Variants in TRPM3 observed in about 807,000 individuals in gnomAD.
The protein encoded by TRPM3 is long transient receptor potential channel 3.
Under a neutral mutation model 181.2 loss-of-function variants are expected in TRPM3, and 77 were observed. The observed-to-expected ratio is 0.42, with a 90% CI of 0.35 to 0.51. The LOEUF is 0.51. Ranked by LOEUF, TRPM3 falls within the 20% of genes least tolerant of loss-of-function variation. The probability of loss-of-function intolerance (pLI) is 0.01; values close to 1 mark genes in which losing one functional copy is unlikely to be tolerated. For synonymous variants in TRPM3, 745 were observed against 796.4 expected, an observed-to-expected ratio of 0.94 and a Z score of 1.09; for missense variants, 1,759 against 2,196.7, an observed-to-expected ratio of 0.80 and a Z score of 3.98.
chr9:71,204,134 T>C (rs539980600), intron 1 of TRPM3, among the ~76,000 whole-genome samples: 2 of 151,092 alleles, frequency 1.3e-5, no homozygotes, highest in Admixed American at 1.3e-4. Context: ...GGCAATACCA[T>C]TCAGGACATA....
At chr9:70,911,587 C>G (rs1442904383) in intron 1 of TRPM3, among the ~76,000 whole-genome samples, 1 of 152,118 alleles carries the variant, frequency 6.6e-6, no homozygotes, top group African/African-American at 2.4e-5. Context: ...CTAAAACCTG[C>G]CTCATGTATA....
At chr9:71,193,851 G>A (rs2078179354) in intron 1 of TRPM3, among the ~76,000 whole-genome samples, 1 of 151,814 alleles carries the variant, frequency 6.6e-6, no homozygotes, top group Non-Finnish European at 1.5e-5. Context: ...CCTGTAACTG[G>A]AGTTCAATTC....
intron 1 of TRPM3, among the ~76,000 whole-genome samples, chr9:71,089,119 G>GATATATATTT (rs2065763500): frequency 6.9e-6 from 1 of 145,920 alleles, no homozygotes; most frequent in African/African-American, 2.5e-5. Context: ...GATATATATT[G>GATATATATTT]TATATATCAT....
At chr9:70,581,792 C>T (rs755806184) in intron 22 of TRPM3, among the ~76,000 whole-genome samples, 15 of 152,072 alleles carry the variant, frequency 9.9e-5, no homozygotes, top group Non-Finnish European at 1.8e-4. Context: ...TCTGCATGGG[C>T]CTCAACTGGT....
chr9:70,652,800 G>A (rs938957818), intron 9 of TRPM3, among the ~76,000 whole-genome samples: 5 of 152,176 alleles, frequency 3.3e-5, no homozygotes, highest in African/African-American at 1.2e-4. Flanking sequence ...GATGATTATT[G>A]GGGTTAGGAG....
intron 1 of TRPM3, among the ~76,000 whole-genome samples, chr9:71,264,630 T>C (rs1029226959): frequency 2.0e-5 from 3 of 152,174 alleles, no homozygotes; most frequent in African/African-American, 7.2e-5. Context: ...AACAAACTCT[T>C]GTAAAATGGG....
At chr9:71,301,711 G>C (rs1265311797) in intron 1 of TRPM3, among the ~76,000 whole-genome samples, 1 of 152,098 alleles carries the variant, frequency 6.6e-6, no homozygotes, top group Admixed American at 6.6e-5. Context: ...GTGCCAGGGA[G>C]AAACCTAGTT....
Position 70,655,507 on chromosome 9 carries a change from C to T in TRPM3, c.1346-14847G>A, listed in dbSNP as rs146317517. On this transcript the variant is annotated intron_variant, in intron 9 of 25. Transcript: ENST00000677713. ...TAAGGTAAAAACCACTGTTTGGCTC[C>T]AACAGGTTTTTTGTTTGCAAGCCAG... Among the ~76,000 whole-genome samples, 311 of 151,990 alleles carry T rather than the reference C, an allele frequency of 2.0e-3. 1 individual carries two copies. The highest frequency in any genetic ancestry group is 7.1e-3 in the African/African-American group (296 of 41,432).
rs995375550 is a variant in TRPM3, at chr9:70,862,045, G to A, written c.462+863C>T. On this transcript the variant is annotated intron_variant, in intron 3 of 25. Coordinates refer to ENST00000677713, the MANE Select transcript of TRPM3 (RefSeq NM_001366145.2). ...CAGTTTTAGACTGCCATTCATGTGA[G>A]GTGACTTCCCTTGTGGTCTGTAGTA... Among the ~76,000 whole-genome samples the A allele has an allele frequency of 3.3e-5, 5 of 151,918 alleles. No homozygotes were observed. The South Asian group carries it at 1.0e-3, about 32-fold the overall frequency.
At chr9:71,399,521 C>CTTTTTTTTTTTTTTTTTTTTTT (rs1415739241) in intron 1 of TRPM3, among the ~76,000 whole-genome samples, 2 of 107,520 alleles carry the variant, frequency 1.9e-5, no homozygotes, top group Non-Finnish European at 4.0e-5. Flanking sequence ...CTTATATTTT[C>CTTTTTTTTTTTTTTTTTTTTTT]TTTTGTTTTT....
chr9:70,841,600 T>C (rs902695773), intron 5 of TRPM3, among the ~76,000 whole-genome samples: 2 of 128,616 alleles, frequency 1.6e-5, no homozygotes, highest in Admixed American at 7.9e-5. Flanking sequence ...CAATGGAGGA[T>C]TGGATATATA....
chr9:70,752,049 T>TGTGTGTGTGTGTGC (rs1273744922), intron 8 of TRPM3, among the ~76,000 whole-genome samples: 2 of 116,348 alleles, frequency 1.7e-5, no homozygotes, highest in East Asian at 3.0e-4. Flanking sequence ...TGTGTGTGTG[T>TGTGTGTGTGTGTGC]GCGCGCGCGC....
At chr9:70,948,197 C>T (rs1392591730) in intron 1 of TRPM3, among the ~76,000 whole-genome samples, 10 of 151,380 alleles carry the variant, frequency 6.6e-5, no homozygotes, top group Admixed American at 6.6e-4. Context: ...AATAATATAT[C>T]ATCTTGGCTT....
In TRPM3 at chr9:70,625,619, AC is replaced by A; in HGVS notation, c.1633-103del. 8.4e-7 allele frequency: 1 copy of A among 1,191,444 alleles called. No homozygotes were observed. The highest frequency in any genetic ancestry group is 1.2e-6 in the Non-Finnish European group (1 of 822,922). The allele number at this position is 1,191,444 out of a possible 1,614,324, so 73.8% of individuals were successfully genotyped here. On this transcript the variant is annotated intron_variant, in intron 12 of 25. Coordinates refer to ENST00000677713, the MANE Select transcript of TRPM3 (RefSeq NM_001366145.2). The surrounding 1 kb of genome is among the most constrained non-coding windows in gnomAD (Gnocchi z 4.8). Reference sequence around the variant, plus strand: ...AGTCTTCAGCTGGGGAGAAAAAAACACCAGTGTAGAAGAAAGAAACACAAGG... The same window carrying A: ...AGTCTTCAGCTGGGGAGAAAAAAACACAGTGTAGAAGAAAGAAACACAAGG...
intron 8 of TRPM3, among the ~76,000 whole-genome samples, chr9:70,759,640 A>C (rs2077718695): frequency 6.6e-6 from 1 of 152,250 alleles, no homozygotes; most frequent in Admixed American, 6.5e-5. Flanking sequence ...ACACCATGGA[A>C]TACTATGCAG....
At chr9:71,011,847 T>C (rs546384372) in intron 1 of TRPM3, among the ~76,000 whole-genome samples, 1 of 150,340 alleles carries the variant, frequency 6.7e-6, no homozygotes, top group African/African-American at 2.5e-5. Flanking sequence ...AGTGATGTGA[T>C]AGTGGCTCAC....
chr9:71,384,871 T>C (rs1260709056), intron 1 of TRPM3, among the ~76,000 whole-genome samples: 1 of 152,216 alleles, frequency 6.6e-6, no homozygotes, highest in Non-Finnish European at 1.5e-5. Flanking sequence ...AATGTCATTT[T>C]TAAAAACAGC....
chr9:70,916,781 C>T (rs2096599593), intron 1 of TRPM3, among the ~76,000 whole-genome samples: 1 of 152,182 alleles, frequency 6.6e-6, no homozygotes, highest in Non-Finnish European at 1.5e-5. Flanking sequence ...TGGAAAAATG[C>T]TTCAGCTCAG....
intron 1 of TRPM3, among the ~76,000 whole-genome samples, chr9:71,244,384 C>G (rs1210513056): frequency 6.6e-6 from 1 of 152,168 alleles, no homozygotes; most frequent in Non-Finnish European, 1.5e-5. Context: ...GTGGCAGCAT[C>G]AGATTTCTAA....
Sources: gnomAD v4.1 joint callset for allele counts (sites outside exome capture counted in the v4.1 genomes callset) on GRCh38, gnomAD v4.1.1 for gene constraint, Gnocchi (gnomAD v3.1) non-coding constraint, MANE v1.5 for transcripts, NCBI Gene and HGNC (gene_info 2026-07-23, HGNC 2026-07-21) for gene names.